The following NLGN1 variants were observed in gnomAD, a reference collection of about 807,000 sequenced individuals.
The protein encoded by NLGN1 is neuroligin 1.
Under a neutral mutation model 65.5 loss-of-function variants are expected in NLGN1, and 12 were observed. The ratio of observed to expected loss-of-function variants is 0.18; its 90% CI spans 0.12 to 0.30. The LOEUF (loss-of-function observed/expected upper bound fraction) is 0.30. NLGN1 is among the 10% of genes least tolerant of loss of function. The probability of loss-of-function intolerance (pLI) is 1.00; values close to 1 mark genes in which losing one functional copy is unlikely to be tolerated. For synonymous variants in NLGN1, 350 were observed against 359.5 expected (o/e 0.97, Z 0.30); for missense variants, 750 against 1,007.1 (o/e 0.74, Z 3.46).
intron 2 of NLGN1, among the ~76,000 whole-genome samples, chr3:173,500,895 T>A (rs1730988798): frequency 6.6e-6 from 1 of 151,848 alleles, no homozygotes; most frequent in Non-Finnish European, 1.5e-5. Flanking sequence ...TTTTATTCTT[T>A]GCTAATCTGT....
chr3:174,014,134 A>T (rs1726081677), intron 4 of NLGN1, among the ~76,000 whole-genome samples: 1 of 152,180 alleles, frequency 6.6e-6, no homozygotes, highest in Non-Finnish European at 1.5e-5. Flanking sequence ...TAACAAGACA[A>T]GTTAACAGAG....
intron 4 of NLGN1, among the ~76,000 whole-genome samples, chr3:174,179,614 A>G (rs1043845233): frequency 5.9e-5 from 9 of 152,130 alleles, no homozygotes; most frequent in African/African-American, 1.9e-4. Flanking sequence ...TTTTTAAAGA[A>G]TTCCATGTTA....
intron 4 of NLGN1, among the ~76,000 whole-genome samples, chr3:174,069,175 G>T (rs2152531401): frequency 6.6e-6 from 1 of 152,254 alleles, no homozygotes; most frequent in African/African-American, 2.4e-5. Flanking sequence ...AGCCAGAATA[G>T]ACATGACTTT....
intron 3 of NLGN1, among the ~76,000 whole-genome samples, chr3:173,797,712 GAAA>G (rs1446438832): frequency 5.4e-5 from 7 of 128,822 alleles, no homozygotes; most frequent in Non-Finnish European, 8.5e-5. Context: ...AAAAAAACAA[GAAA>G]CAAACAAGCA....
At chr3:173,784,674 A>G (rs1487256819) in intron 3 of NLGN1, among the ~76,000 whole-genome samples, 1 of 152,148 alleles carries the variant, frequency 6.6e-6, no homozygotes, top group Non-Finnish European at 1.5e-5. Flanking sequence ...AGAGACAGCC[A>G]CTATAGACTT....
intron 2 of NLGN1, among the ~76,000 whole-genome samples, chr3:173,495,610 AGC>A (rs1729879571): frequency 1.3e-5 from 2 of 150,596 alleles, no homozygotes; most frequent in Non-Finnish European, 3.0e-5. Flanking sequence ...TATTAGCTGT[AGC>A]ATTTTCTAGC....
intron 2 of NLGN1, among the ~76,000 whole-genome samples, chr3:173,484,919 T>C (rs1727913472): frequency 6.6e-6 from 1 of 152,050 alleles, no homozygotes; most frequent in Non-Finnish European, 1.5e-5. Flanking sequence ...CTAGATGTTC[T>C]GCAAGGGCCC....
chr3:173,956,851 A>G (rs930227826), intron 4 of NLGN1, among the ~76,000 whole-genome samples: 2 of 152,196 alleles, frequency 1.3e-5, no homozygotes, highest in Non-Finnish European at 2.9e-5. Context: ...TACATAGTAA[A>G]CAGCTCACAG....
At chr3:174,056,996 T>G (rs1213641762) in intron 4 of NLGN1, among the ~76,000 whole-genome samples, 1 of 152,048 alleles carries the variant, frequency 6.6e-6, no homozygotes, top group Non-Finnish European at 1.5e-5. Flanking sequence ...TCTTCCTGCC[T>G]AATTACATCC....
At chr3:173,753,466 G>A (rs915930854) in intron 3 of NLGN1, among the ~76,000 whole-genome samples, 1 of 151,964 alleles carries the variant, frequency 6.6e-6, no homozygotes, top group African/African-American at 2.4e-5. Flanking sequence ...TATCTAATTT[G>A]CCAGCAAGTT....
At chr3:173,728,186 T>C (rs1772137353) in intron 3 of NLGN1, among the ~76,000 whole-genome samples, 1 of 152,012 alleles carries the variant, frequency 6.6e-6, no homozygotes, top group Admixed American at 6.6e-5. Flanking sequence ...GAAGAATGGA[T>C]GTGAGAGATG....
chr3:173,638,249 G>A (rs1756899830), intron 3 of NLGN1, among the ~76,000 whole-genome samples: 2 of 150,254 alleles, frequency 1.3e-5, no homozygotes, highest in Non-Finnish European at 3.0e-5. Context: ...CTGTTTTGAT[G>A]TTCCAGGCTG....
At chr3:173,632,849 G>GTTTTTTTTTTTTT (rs5854526) in intron 3 of NLGN1, among the ~76,000 whole-genome samples, 15 of 116,418 alleles carry the variant, frequency 1.3e-4, no homozygotes, top group Non-Finnish European at 1.6e-4. Flanking sequence ...TTTTTTTTTT[G>GTTTTTTTTTTTTT]TTTTTTTTTT....
chr3:173,652,590 T>A (rs568223092), intron 3 of NLGN1, among the ~76,000 whole-genome samples: 67 of 152,324 alleles, frequency 4.4e-4, no homozygotes, highest in African/African-American at 1.5e-3. Flanking sequence ...CTCAATTCTG[T>A]TCCGTTGATC....
At chr3:174,173,798 A>G (rs1162459922) in intron 4 of NLGN1, among the ~76,000 whole-genome samples, 1 of 151,872 alleles carries the variant, frequency 6.6e-6, no homozygotes, top group Non-Finnish European at 1.5e-5. Flanking sequence ...CTACATTTTT[A>G]TGTTCTTTTA....
At chr3:174,038,339 C>T (rs983941229) in intron 4 of NLGN1, among the ~76,000 whole-genome samples, 1 of 152,110 alleles carries the variant, frequency 6.6e-6, no homozygotes, top group South Asian at 2.1e-4. Flanking sequence ...TAGGCTGATT[C>T]GATGAGGTGT....
At chr3:173,565,199 G>T (rs1282810996) in intron 2 of NLGN1, among the ~76,000 whole-genome samples, 1 of 152,178 alleles carries the variant, frequency 6.6e-6, no homozygotes, top group South Asian at 2.1e-4. Context: ...GAGAAGGACA[G>T]CCAGGTGAAA....
chr3:173,884,927 A>T (rs747797383), intron 4 of NLGN1, among the ~76,000 whole-genome samples: 1 of 152,058 alleles, frequency 6.6e-6, no homozygotes, highest in Non-Finnish European at 1.5e-5. Context: ...GCGTCCTCAC[A>T]TGGCCACAGA....
At chr3:173,734,960 G>A (rs2150076233) in intron 3 of NLGN1, among the ~76,000 whole-genome samples, 1 of 152,126 alleles carries the variant, frequency 6.6e-6, no homozygotes, top group African/African-American at 2.4e-5. Context: ...TGACTAATGT[G>A]GCACAACATT....
Sources: allele counts gnomAD v4.1 joint callset (sites outside exome capture counted in the v4.1 genomes callset), GRCh38; gene constraint gnomAD v4.1.1; transcripts MANE v1.5; gene names NCBI Gene and HGNC (gene_info 2026-07-23, HGNC 2026-07-21).